The following SYTL1 variants were observed in gnomAD, a reference collection of about 807,000 sequenced individuals.
The protein encoded by SYTL1 is synaptotagmin like 1.
In SYTL1, 53 loss-of-function variants were observed where a neutral mutation model predicts 74.6. The ratio of observed to expected loss-of-function variants is 0.71; its 90% CI spans 0.57 to 0.89. The LOEUF (loss-of-function observed/expected upper bound fraction) is 0.89, where lower values mean the gene tolerates loss of function less well. Among genes scored for constraint, SYTL1 ranks in the 40% least tolerant of loss-of-function variants. SYTL1 has a pLI of 0.00. For missense variants in SYTL1, 728 were observed against 768.7 expected, an observed-to-expected ratio of 0.95 and a Z score of 0.63; for synonymous variants, 329 against 324.9, an observed-to-expected ratio of 1.01 and a Z score of -0.14.
intron 6 of SYTL1, 104 bp from the exon 7 acceptor site, chr1:27,349,294 C>G (rs905029365): frequency 3.4e-6 from 5 of 1,461,062 alleles, no homozygotes; most frequent in Non-Finnish European, 4.5e-6. Context: ...AGGGCAGCAC[C>G]GGGGCCTGAA....
At position 27,350,053 on chromosome 1, in the gene SYTL1, G is replaced by C; in HGVS notation, c.829G>C (p.Glu277Gln). The C allele has an allele frequency of 6.6e-7, 1 of 1,516,910 alleles. No homozygotes were observed. Among genetic ancestry groups the C allele is most frequent in the Non-Finnish European group, 8.8e-7 (1 of 1,141,344 alleles). 94.0% of individuals were successfully genotyped at this position (1,516,910 alleles called of 1,614,324 possible). Residue 277 changes from glutamate to glutamine, a missense_variant, in exon 9 of 15, where the codon GAG becomes CAG. By Grantham distance (29) the Glu-to-Gln change is conservative. Transcript: ENST00000616558. This position sits in a 1 kb window ranked among gnomAD's most constrained non-coding sequence, Gnocchi z 6.3. ...CTCCGTGCACTTCGCGCTGCACTAC[G>C]AGCCGGGCGCCGCCGAGCTGCGCGT... ...RGSVHFALHYEPGAAELRVHV... is the reference protein window; with the variant it reads ...RGSVHFALHYQPGAAELRVHV...
chr1:27,353,284 T>G lies in SYTL1; in HGVS notation c.1345T>G (p.Phe449Val). Residue 449 changes from phenylalanine to valine, a missense_variant and splice_region_variant, in exon 14 of 15, where the codon TTC (phenylalanine) becomes GTC (valine). Coordinates refer to ENST00000616558, the MANE Select transcript of SYTL1 (RefSeq NM_001193308.2). ...AGSLDTYVQCFVLPDDSQASR... is the reference protein window; with the variant it reads ...AGSLDTYVQCVVLPDDSQASR... The stretch of plus-strand genomic sequence containing the variant: ...GATGCCAGGCCACCTCCCGCACAGC[T>G]TCGTGCTGCCTGATGACAGCCAGGC... The G allele has an allele frequency of 6.3e-7, 1 of 1,588,188 alleles. No homozygotes were observed. Among genetic ancestry groups the G allele is most frequent in the Non-Finnish European group, 8.6e-7 (1 of 1,167,592 alleles).
chr1:27,351,563 G>A lies in SYTL1; in HGVS notation c.1343+8G>A, dbSNP rs2015279990. On this transcript the variant is annotated splice_region_variant and intron_variant, in intron 13 of 14. Transcript: ENST00000616558. The surrounding 1 kb of genome is among the most constrained non-coding windows in gnomAD (Gnocchi z 5.0). ...GGACACTTACGTACAATGGTGAGGA[G>A]TGCTGGCCCTCCGGGCTTCCCATTC... The A allele has an allele frequency of 2.0e-6, 3 of 1,507,216 alleles. No individual in the cohort carries two copies. The highest frequency in any genetic ancestry group is 2.7e-6 in the Non-Finnish European group (3 of 1,121,390). The allele number at this position is 1,507,216 out of a possible 1,614,324, so 93.4% of individuals were successfully genotyped here.
chr1:27,351,530 G>A lies in SYTL1; in HGVS notation c.1318G>A (p.Gly440Arg). The A allele has an allele frequency of 1.3e-6, 2 of 1,548,760 alleles. No homozygotes were observed. Among genetic ancestry groups the A allele is most frequent in the Non-Finnish European group, 1.7e-6 (2 of 1,145,994 alleles). The change falls in exon 13 of 15, where the codon GGA becomes AGA. Residue 440 changes from glycine to arginine, a missense_variant. By Grantham distance (125) the Gly-to-Arg change is moderately radical (BLOSUM62 -2). Transcript: ENST00000616558. The surrounding 1 kb of genome is among the most constrained non-coding windows in gnomAD (Gnocchi z 5.0). ...TCGGGACCTCCTGCCGCTGCGGGCA[G>A]GATCCCTGGACACTTACGTACAATG... Reference protein sequence around the residue: ...EARDLLPLRAGSLDTYVQCFV... With the variant: ...EARDLLPLRARSLDTYVQCFV...
In SYTL1 at chr1:27,342,917, T is replaced by A. The variant is rs2014836406; in HGVS notation, c.-39+767T>A. Reference sequence around the variant, plus strand: ...TGGGCTCACACGTTGGCCACAGAAGTCCAGGGAAACTGCTGTTGTGGAGCA... The same window carrying A: ...TGGGCTCACACGTTGGCCACAGAAGACCAGGGAAACTGCTGTTGTGGAGCA... On this transcript the variant is annotated intron_variant, in intron 1 of 14. Coordinates refer to ENST00000616558, the MANE Select transcript of SYTL1 (RefSeq NM_001193308.2). The surrounding 1 kb of genome is among the most constrained non-coding windows in gnomAD (Gnocchi z 4.7). Among the ~76,000 whole-genome samples, 2 of 151,902 alleles carry A rather than the reference T, an allele frequency of 1.3e-5. No homozygotes were observed. The highest frequency in any genetic ancestry group is 1.3e-4 in the Admixed American group (2 of 15,292).
Position 27,351,105 on chromosome 1 carries a change from C to T in SYTL1, c.1164+153C>T, listed in dbSNP as rs965802133. ...GCCCCAGGCGAAGCCCGGCCGGCCA[C>T]GGCCCCTTCCCCGAGGGCGCTAGGA... On this transcript the variant is annotated intron_variant, in intron 11 of 14. Coordinates refer to ENST00000616558, the MANE Select transcript of SYTL1 (RefSeq NM_001193308.2). This position sits in a 1 kb window ranked among gnomAD's most constrained non-coding sequence, Gnocchi z 5.0. 3 of 1,316,186 alleles carry T rather than the reference C, an allele frequency of 2.3e-6. No individual in the cohort carries two copies. Among genetic ancestry groups the T allele is most frequent in the Admixed American group, 2.3e-5 (1 of 43,192 alleles). 81.5% of individuals were successfully genotyped at this position (1,316,186 alleles called of 1,614,324 possible).
intron 2 of SYTL1, among the ~76,000 whole-genome samples, chr1:27,346,665 G>A (rs752039599): frequency 1.3e-5 from 2 of 152,096 alleles, no homozygotes; most frequent in Non-Finnish European, 2.9e-5. Flanking sequence ...AGGCAGCTGA[G>A]GTGAGAGGAT....
chr1:27,349,263 G>A (rs2015133501), intron 6 of SYTL1, 111 bp downstream of exon 6: 2 of 1,477,830 alleles, frequency 1.4e-6, no homozygotes, highest in East Asian at 4.8e-5. Flanking sequence ...CCCACCCCGC[G>A]TCGGAGGTGG....
At position 27,353,703 on chromosome 1, in the gene SYTL1, C is replaced by CCA. The variant is rs770185674; in HGVS notation, c.1550-7_1550-6dup. The CCA allele has an allele frequency of 2.9e-5, 46 of 1,610,108 alleles. No individual in the cohort carries two copies. Among genetic ancestry groups the CCA allele is most frequent in the Non-Finnish European group, 3.8e-5 (45 of 1,177,610 alleles). On this transcript the variant is annotated splice_polypyrimidine_tract_variant and intron_variant, in intron 14 of 14. Coordinates refer to ENST00000616558, the MANE Select transcript of SYTL1 (RefSeq NM_001193308.2). ...GATCATGCCCTCAACCCCTGCCCACCCACATCCAGGCAGCAGCTATGGGCT... is the reference window on the plus strand; with the variant it reads ...GATCATGCCCTCAACCCCTGCCCACCCACACATCCAGGCAGCAGCTATGGGCT...
In SYTL1 at chr1:27,350,918, G is replaced by A. The variant is rs113120872; in HGVS notation, c.1130G>A (p.Gly377Asp). ...VEVPLDTWDW[G>D]SEPTWLPLQP... Reference sequence around the variant, plus strand: ...GTGCCCCTGGACACGTGGGACTGGGGCTCTGAGCCCACCTGGCTCCCCCTG... The same window carrying A: ...GTGCCCCTGGACACGTGGGACTGGGACTCTGAGCCCACCTGGCTCCCCCTG... Residue 377 changes from glycine (G) to aspartate (D), a missense_variant, in exon 11 of 15, where the codon GGC becomes GAC. By Grantham distance (94) the Gly-to-Asp change is moderately conservative. Coordinates refer to ENST00000616558, the MANE Select transcript of SYTL1 (RefSeq NM_001193308.2). The surrounding 1 kb of genome is among the most constrained non-coding windows in gnomAD (Gnocchi z 6.3). 0.028 allele frequency: 45,267 copies of A among 1,613,488 alleles called. 798 individuals are homozygous for A. Among genetic ancestry groups the A allele is most frequent in the Middle Eastern group, 0.062 (375 of 6,062 alleles).
Position 27,342,261 on chromosome 1 carries a change from G to C in SYTL1, c.-39+111G>C. The C allele has an allele frequency of 1.1e-6, 1 of 910,324 alleles. No individual in the cohort carries two copies. Among genetic ancestry groups the C allele is most frequent in the Non-Finnish European group, 1.3e-6 (1 of 761,376 alleles). 56.4% of individuals were successfully genotyped at this position (910,324 alleles called of 1,614,324 possible). A position where few individuals can be genotyped will look rare whatever the true frequency, so the allele number is the denominator to read the frequency against. On this transcript the variant is annotated intron_variant, in intron 1 of 14. Transcript: ENST00000616558. This position sits in a 1 kb window ranked among gnomAD's most constrained non-coding sequence, Gnocchi z 4.7. ...TTGGGGTTGGGGGAGGTGGGCACATGTCTGGAACTGGAACAGCTGGACAGA... is the reference window on the plus strand; with the variant it reads ...TTGGGGTTGGGGGAGGTGGGCACATCTCTGGAACTGGAACAGCTGGACAGA...
Position 27,351,789 on chromosome 1 carries a change from G to T in SYTL1, c.1343+234G>T, listed in dbSNP as rs2015288934. On this transcript the variant is annotated intron_variant, in intron 13 of 14. Coordinates refer to ENST00000616558, the MANE Select transcript of SYTL1 (RefSeq NM_001193308.2). The surrounding 1 kb of genome is among the most constrained non-coding windows in gnomAD (Gnocchi z 5.0). The stretch of plus-strand genomic sequence containing the variant: ...TAGGACTTGTTGAAAAGCTGAGGCT[G>T]AGGGCTGCAAGGGTCCTTCCATAGA... 3 of 455,146 alleles carry T rather than the reference G, an allele frequency of 6.6e-6. No individual in the cohort carries two copies. The highest frequency in any genetic ancestry group is 8.3e-5 in the South Asian group (2 of 23,976). 28.2% of individuals were successfully genotyped at this position (455,146 alleles called of 1,614,324 possible). A position where few individuals can be genotyped will look rare whatever the true frequency, so the allele number is the denominator to read the frequency against.
At position 27,342,311 on chromosome 1, in the gene SYTL1, T is replaced by A; in HGVS notation, c.-39+161T>A. Reference sequence around the variant, plus strand: ...ATGGACAGACCCTCCTCTTGACCAATGGGTCTGTCCCACCGTGTCAAAACA... The same window carrying A: ...ATGGACAGACCCTCCTCTTGACCAAAGGGTCTGTCCCACCGTGTCAAAACA... On this transcript the variant is annotated intron_variant, in intron 1 of 14. Coordinates refer to ENST00000616558, the MANE Select transcript of SYTL1 (RefSeq NM_001193308.2). This position sits in a 1 kb window ranked among gnomAD's most constrained non-coding sequence, Gnocchi z 4.7. 4 of 984,602 alleles carry A rather than the reference T, an allele frequency of 4.1e-6. No individual in the cohort carries two copies. Among genetic ancestry groups the A allele is most frequent in the Non-Finnish European group, 4.8e-6 (4 of 829,168 alleles). 61.0% of individuals were successfully genotyped at this position (984,602 alleles called of 1,614,324 possible).
Position 27,351,413 on chromosome 1 carries a change from T to C in SYTL1, c.1244-43T>C, listed in dbSNP as rs1296001427. On this transcript the variant is annotated intron_variant, in intron 12 of 14. Transcript: ENST00000616558. This position sits in a 1 kb window ranked among gnomAD's most constrained non-coding sequence, Gnocchi z 5.0. ...CTCCAGTCCCCGGGTTTGGGGGCGG[T>C]GGACTCCATCCGTGTGCGGGCCTGA... 3.3e-6 allele frequency: 5 copies of C among 1,505,132 alleles called. No individual in the cohort carries two copies. The South Asian group carries it at 6.4e-5, about 19-fold the overall frequency. 93.2% of individuals were successfully genotyped at this position (1,505,132 alleles called of 1,614,324 possible).
In SYTL1 at chr1:27,349,461, C is replaced by G; in HGVS notation, c.596C>G (p.Ser199Trp). The change falls in exon 7 of 15, where the codon TCG becomes TGG. Residue 199 changes from serine to tryptophan, a missense_variant. Physicochemically the swap from Ser to Trp is radical, Grantham distance 177 (BLOSUM62 -3). Transcript: ENST00000616558. ...GCTGACCCGGAGCTGGAGCCCGCGT[C>G]GGGGGGAGAGCAGGAGCCGCGGCCC... ...EEADPELEPA[S>W]GGEQEPRPQQ... The G allele has an allele frequency of 6.9e-7, 1 of 1,452,782 alleles. No homozygotes were observed. Among genetic ancestry groups the G allele is most frequent in the Non-Finnish European group, 9.1e-7 (1 of 1,102,066 alleles). The allele number at this position is 1,452,782 out of a possible 1,614,324, so 90.0% of individuals were successfully genotyped here. A position where few individuals can be genotyped will look rare whatever the true frequency, so the allele number is the denominator to read the frequency against.
At chr1:27,344,186 C>T (rs2014897411) in intron 1 of SYTL1, among the ~76,000 whole-genome samples, 1 of 151,706 alleles carries the variant, frequency 6.6e-6, no homozygotes, top group African/African-American at 2.4e-5. Context: ...TTACCATAAC[C>T]TCTGCCTCCC....
rs923772284 is a variant in SYTL1 at position 27,348,389 on chromosome 1, T to G, written c.459+377T>G. Among the ~76,000 whole-genome samples the G allele has an allele frequency of 3.3e-5, 5 of 150,326 alleles. No individual in the cohort carries two copies. Among genetic ancestry groups the G allele is most frequent in the Non-Finnish European group, 5.9e-5 (4 of 67,592 alleles). On this transcript the variant is annotated intron_variant, in intron 5 of 14. Coordinates refer to ENST00000616558, the MANE Select transcript of SYTL1 (RefSeq NM_001193308.2). The surrounding 1 kb of genome is among the most constrained non-coding windows in gnomAD (Gnocchi z 4.1). Reference sequence around the variant, plus strand: ...GAGTTCAAGACCAGCCTGGGCAACATAGCAAAATGCCCCCCATGTCTATAA... The same window carrying G: ...GAGTTCAAGACCAGCCTGGGCAACAGAGCAAAATGCCCCCCATGTCTATAA...
intron 6 of SYTL1, 104 bp downstream of exon 6, chr1:27,349,256 A>G: frequency 6.7e-7 from 1 of 1,482,498 alleles, no homozygotes; most frequent in East Asian, 2.4e-5. Flanking sequence ...CCCCACTCCC[A>G]CCCCGCGTCG....
intron 2 of SYTL1, among the ~76,000 whole-genome samples, chr1:27,346,659 A>C (rs998360734): frequency 2.0e-5 from 3 of 151,876 alleles, no homozygotes. Flanking sequence ...CTATTTAGGC[A>C]GCTGAGGTGA....
Sources: gnomAD v4.1 joint callset for allele counts (sites outside exome capture counted in the v4.1 genomes callset) on GRCh38, gnomAD v4.1.1 for gene constraint, Gnocchi (gnomAD v3.1) non-coding constraint, MANE v1.5 for transcripts, NCBI Gene and HGNC (gene_info 2026-07-23, HGNC 2026-07-21) for gene names.